Variants in THUMPD2 observed in about 807,000 individuals in gnomAD.
THUMPD2 encodes THUMP domain 2 tRNA and snRNA guanosine methyltransferase.
A neutral mutation model predicts 49.4 loss-of-function variants in THUMPD2; 56 were observed. The ratio of observed to expected loss-of-function variants is 1.13; its 90% CI spans 0.91 to 1.41. The LOEUF is 1.41. THUMPD2 is among the 40% of genes most tolerant of loss of function. THUMPD2 has a pLI of 0.00. For synonymous variants in THUMPD2, 237 were observed against 205.2 expected (o/e 1.15, Z -1.32); for missense variants, 709 against 594.5 (o/e 1.19, Z -2.00).
chr2:39,765,874 C>G (rs1208596088), intron 5 of THUMPD2, among the ~76,000 whole-genome samples, 183 bp downstream of exon 5: 1 of 152,194 alleles, frequency 6.6e-6, no homozygotes. Flanking sequence ...TCTAACTGGT[C>G]AGTTCAAATC....
intron 4 of THUMPD2, 95 bp downstream of exon 4, chr2:39,768,329 C>A: frequency 9.5e-7 from 1 of 1,053,922 alleles, no homozygotes; most frequent in Non-Finnish European, 1.4e-6. Flanking sequence ...CTTTTTATAA[C>A]TGTAAAATAA....
At chr2:39,774,799 T>A (rs180694106) in intron 1 of THUMPD2, among the ~76,000 whole-genome samples, 1 of 152,166 alleles carries the variant, frequency 6.6e-6, no homozygotes, top group Non-Finnish European at 1.5e-5. Context: ...ATATATACAA[T>A]CTGTTTTTTT....
intron 9 of THUMPD2, among the ~76,000 whole-genome samples, chr2:39,740,344 A>G (rs1407961360): frequency 6.6e-6 from 1 of 152,244 alleles, no homozygotes; most frequent in Non-Finnish European, 1.5e-5. Context: ...AACTGATCAG[A>G]AAGGAGATTC....
intron 8 of THUMPD2, among the ~76,000 whole-genome samples, chr2:39,745,679 G>C (rs1674483553): frequency 6.6e-6 from 1 of 152,062 alleles, no homozygotes; most frequent in African/African-American, 2.4e-5. Flanking sequence ...ATTATGTCCA[G>C]GTTTAGAAAC....
At chr2:39,759,087 A>G (rs1676498052) in intron 6 of THUMPD2, among the ~76,000 whole-genome samples, 1 of 152,116 alleles carries the variant, frequency 6.6e-6, no homozygotes, top group Non-Finnish European at 1.5e-5. Flanking sequence ...ATATAAAGAG[A>G]GGGAAATCAT....
Position 39,769,976 on chromosome 2 carries a change from T to C in THUMPD2, c.406A>G (p.Lys136Glu). 1 of 1,581,356 alleles carries C rather than the reference T, an allele frequency of 6.3e-7. No individual in the cohort carries two copies. The highest frequency in any genetic ancestry group is 8.5e-7 in the Non-Finnish European group (1 of 1,171,342). Residue 136 changes from lysine to glutamate, a missense_variant, in exon 3 of 10, where the codon AAA becomes GAA. By Grantham distance (56) the Lys-to-Glu change is moderately conservative. Transcript: ENST00000505747. ...GCAATGATTTCATTTTCTCCCACTT[T>C]TCTTTTTAGTTGGTTATCATCTCTC... ...SQRDDNQLKRKVGENEIIAKK... is the reference protein window; with the variant it reads ...SQRDDNQLKREVGENEIIAKK...
Position 39,779,189 on chromosome 2 carries a change from T to G in THUMPD2, c.51A>C (p.Arg17=), listed in dbSNP as rs1033815160. ...GGCCGCGACCCGCAGTGCAGAAGAA[T>G]CGGGCGCCAGCCTCAGGCCCGGACC... ...EPGSGPEAGA[R]FFCTAGRGLE... The change falls in exon 1 of 10, where the codon CGA becomes CGC. Residue 17 remains arginine, a synonymous_variant. Transcript: ENST00000505747. 4.0e-6 allele frequency: 6 copies of G among 1,518,202 alleles called. No homozygotes were observed. Among genetic ancestry groups the G allele is most frequent in the Middle Eastern group, 1.8e-4 (1 of 5,452 alleles). 94.0% of individuals were successfully genotyped at this position (1,518,202 alleles called of 1,614,324 possible).
chr2:39,765,823 T>G (rs1360745625), intron 5 of THUMPD2, among the ~76,000 whole-genome samples: 1 of 152,220 alleles, frequency 6.6e-6, no homozygotes, highest in Non-Finnish European at 1.5e-5. Context: ...TCAGTATTAA[T>G]CATGTAATCA....
At chr2:39,738,188 T>A (rs1673386955) in intron 9 of THUMPD2, among the ~76,000 whole-genome samples, 1 of 151,938 alleles carries the variant, frequency 6.6e-6, no homozygotes, top group African/African-American at 2.4e-5. Context: ...GAAGTAGACA[T>A]CCTCAGAGAA....
At position 39,766,071 on chromosome 2, in the gene THUMPD2, C is replaced by G; in HGVS notation, c.789G>C (p.Gly263=). 6.3e-7 allele frequency: 1 copy of G among 1,584,084 alleles called. No individual in the cohort carries two copies. The change falls in exon 5 of 10, where the codon GGG becomes GGC. Residue 263 remains glycine (G), a synonymous_variant. Transcript: ENST00000505747. ...IHLNDIYSVV[G]IPVFRVSLAS... is the part of the protein sequence containing the mutation. ...AGAATATCTACCTGAACACAGGAAT[C>G]CCCACCACAGAGTAAATGTCATTTA...
chr2:39,755,230 A>G, intron 8 of THUMPD2, 65 bp downstream of exon 8: 1 of 1,121,962 alleles, frequency 8.9e-7, no homozygotes, highest in Non-Finnish European at 1.3e-6. Context: ...CTTGTTTTAT[A>G]TTATGATTCT....
rs1160553248 is a variant in THUMPD2, at chr2:39,755,376, A to C, written c.997T>G (p.Ser333Ala). ...TTGTCCCAAGTACCTAGTAACTGTG[A>C]GTCGCTGACATCAGCACCTACATAA... The part of the protein sequence containing the change: ...VYYVGADVSD[S>A]QLLGTWDNLK... The change falls in exon 8 of 10, where the codon TCA becomes GCA. Residue 333 changes from serine (S) to alanine (A), a missense_variant. Transcript: ENST00000505747. The C allele has an allele frequency of 6.4e-7, 1 of 1,560,234 alleles. No individual in the cohort carries two copies. The highest frequency in any genetic ancestry group is 1.4e-5 in the African/African-American group (1 of 70,404).
At position 39,768,894 on chromosome 2, in the gene THUMPD2, G is replaced by A. The variant is rs1279519530; in HGVS notation, c.673-393C>T. 6.2e-6 allele frequency: 8 copies of A among 1,299,054 alleles called. No homozygotes were observed. In the East Asian group the frequency reaches 3.8e-4, roughly 62 times the overall value. The allele number at this position is 1,299,054 out of a possible 1,614,324, so 80.5% of individuals were successfully genotyped here. A position where few individuals can be genotyped will look rare whatever the true frequency, so the allele number is the denominator to read the frequency against. ...AAAAATTATCAGATTAGTATCATTA[G>A]ACTCACCCTTTAGGGTTTGACTGAT... On this transcript the variant is annotated intron_variant, in intron 3 of 9. Coordinates refer to ENST00000505747, the MANE Select transcript of THUMPD2 (RefSeq NM_025264.5).
chr2:39,743,850 C>T (rs1293283918), intron 9 of THUMPD2, among the ~76,000 whole-genome samples: 2 of 152,176 alleles, frequency 1.3e-5, no homozygotes, highest in East Asian at 3.8e-4. Flanking sequence ...TCCAGTATTC[C>T]TTCATAGCAA....
intron 1 of THUMPD2, among the ~76,000 whole-genome samples, 154 bp downstream of exon 1, chr2:39,778,960 C>G (rs1015788606): frequency 2.6e-5 from 4 of 152,226 alleles, no homozygotes; most frequent in Admixed American, 2.6e-4. Flanking sequence ...TCGGCCGGAG[C>G]GGAAGCGCCT....
intron 6 of THUMPD2, among the ~76,000 whole-genome samples, chr2:39,759,178 A>G (rs897693017): frequency 6.6e-6 from 1 of 152,090 alleles, no homozygotes; most frequent in Non-Finnish European, 1.5e-5. Context: ...TAGGAAAAAG[A>G]GAGTAGTTTA....
intron 1 of THUMPD2, among the ~76,000 whole-genome samples, chr2:39,776,059 A>C (rs886307377): frequency 6.6e-6 from 1 of 152,180 alleles, no homozygotes; most frequent in Non-Finnish European, 1.5e-5. Flanking sequence ...TACAACATTC[A>C]ATTTTATCTT....
intron 4 of THUMPD2, among the ~76,000 whole-genome samples, chr2:39,767,371 G>A (rs926021254): frequency 1.3e-5 from 2 of 151,788 alleles, no homozygotes; most frequent in East Asian, 1.9e-4. Context: ...TTGGGAGGCC[G>A]AGGCGGGCGG....
Position 39,755,327 on chromosome 2 carries a change from T to G in THUMPD2, c.1046A>C (p.Asp349Ala), listed in dbSNP as rs1394914672. 1.3e-6 allele frequency: 2 copies of G among 1,545,064 alleles called. No individual in the cohort carries two copies. Among genetic ancestry groups the G allele is most frequent in the South Asian group, 2.5e-5 (2 of 80,352 alleles). ...WDNLKAAGLE[D>A]KIELLKISVI... Reference sequence around the variant, plus strand: ...AGAGATTTTAAGTAATTCAATTTTATCCTCAAGGCCTGCAGCTTTCAGATT... The same window carrying G: ...AGAGATTTTAAGTAATTCAATTTTAGCCTCAAGGCCTGCAGCTTTCAGATT... The change falls in exon 8 of 10, where the codon GAT becomes GCT. Residue 349 changes from aspartate (D) to alanine (A), a missense_variant. By Grantham distance (126) the Asp-to-Ala change is moderately radical. Transcript: ENST00000505747.
Sources: gnomAD v4.1 joint callset for allele counts (sites outside exome capture counted in the v4.1 genomes callset) on GRCh38, gnomAD v4.1.1 for gene constraint, MANE v1.5 for transcripts, NCBI Gene and HGNC (gene_info 2026-07-23, HGNC 2026-07-21) for gene names.